The following PRKG1 variants were observed in gnomAD, a reference collection of about 807,000 sequenced individuals.
The protein encoded by PRKG1 is protein kinase cGMP-dependent 1.
Under a neutral mutation model 88.1 loss-of-function variants are expected in PRKG1, and 35 were observed. That is an observed-to-expected ratio of 0.40 (90% confidence interval 0.30 to 0.53). The LOEUF (loss-of-function observed/expected upper bound fraction) is 0.53, where lower values mean the gene tolerates loss of function less well. PRKG1 is among the 20% of genes least tolerant of loss of function. The pLI is 0.59. For synonymous variants in PRKG1, 303 were observed against 292.5 expected, an observed-to-expected ratio of 1.04 and a Z score of -0.37; for missense variants, 540 against 839.8, an observed-to-expected ratio of 0.64 and a Z score of 4.41.
intron 1 of PRKG1, among the ~76,000 whole-genome samples, chr10:51,042,169 TG>T (rs1474751014): frequency 6.6e-6 from 1 of 152,208 alleles, no homozygotes; most frequent in Non-Finnish European, 1.5e-5. Flanking sequence ...CACCTCCTCC[TG>T]GTCTTGGACC....
chr10:51,532,889 CT>C (rs1005242731), intron 3 of PRKG1, among the ~76,000 whole-genome samples: 3 of 152,152 alleles, frequency 2.0e-5, no homozygotes, highest in African/African-American at 7.2e-5. Context: ...TATCCTCTCT[CT>C]TTTTTTCAAA....
chr10:51,767,735 T>C (rs1374117567), intron 3 of PRKG1, among the ~76,000 whole-genome samples: 2 of 152,168 alleles, frequency 1.3e-5, no homozygotes, highest in African/African-American at 4.8e-5. Flanking sequence ...AAATCAGTAG[T>C]TCTGTTTTAT....
Position 52,005,942 on chromosome 10 carries a change from C to T in PRKG1, c.763-48542C>T, listed in dbSNP as rs781575231. 5.3e-4 allele frequency among the ~76,000 whole-genome samples: 80 copies of T among 151,868 alleles called. 1 individual carries two copies. The highest frequency in any genetic ancestry group is 2.1e-4 in the South Asian group (1 of 4,804). ...TGAGGAGGCCCTTGGACCACAACAC[C>T]GAGAAGAAGAACTGAAGCATGGGGA... On this transcript the variant is annotated intron_variant, in intron 5 of 17. Coordinates refer to ENST00000373980, the MANE Select transcript of PRKG1 (RefSeq NM_006258.4).
intron 2 of PRKG1, among the ~76,000 whole-genome samples, chr10:51,408,694 T>C (rs1837992388): frequency 6.6e-6 from 1 of 152,212 alleles, no homozygotes; most frequent in Admixed American, 6.5e-5. Context: ...TGAGTGGAAG[T>C]CCGTGTTGAT....
intron 2 of PRKG1, among the ~76,000 whole-genome samples, chr10:51,203,094 GGA>G (rs147929880): frequency 4.0e-5 from 6 of 150,142 alleles, no homozygotes; most frequent in Admixed American, 1.3e-4. Flanking sequence ...GAATACAGAG[GGA>G]GAGAGAGAGA....
intron 2 of PRKG1, among the ~76,000 whole-genome samples, chr10:51,193,846 C>A (rs1288068927): frequency 6.6e-6 from 1 of 152,132 alleles, no homozygotes; most frequent in East Asian, 1.9e-4. Context: ...AGCAAATCTG[C>A]ACATTTGTGC....
chr10:52,002,910 T>C (rs2133152856), intron 5 of PRKG1, among the ~76,000 whole-genome samples: 2 of 152,290 alleles, frequency 1.3e-5, no homozygotes, highest in Middle Eastern at 3.4e-3. Context: ...AGTGTGAGAG[T>C]AAACATAATA....
chr10:51,311,193 T>C (rs7898516), intron 2 of PRKG1, among the ~76,000 whole-genome samples: 79,121 of 151,950 alleles, frequency 0.52, 20,719 homozygotes, highest in African/African-American at 0.56. Context: ...TCCCTCTTTT[T>C]AGCTCTTAAC....
chr10:51,595,893 G>C (rs1200382695), intron 3 of PRKG1, among the ~76,000 whole-genome samples: 1 of 151,960 alleles, frequency 6.6e-6, no homozygotes, highest in Non-Finnish European at 1.5e-5. Flanking sequence ...GGAGTGCAGT[G>C]GCAGGATCTT....
chr10:52,207,209 G>T (rs1466017008), intron 9 of PRKG1, among the ~76,000 whole-genome samples: 1 of 152,164 alleles, frequency 6.6e-6, no homozygotes, highest in Non-Finnish European at 1.5e-5. Flanking sequence ...CAGTGGGAAG[G>T]CTGTAGGTGA....
At chr10:52,122,762 T>C (rs1847848948) in intron 7 of PRKG1, among the ~76,000 whole-genome samples, 1 of 152,196 alleles carries the variant, frequency 6.6e-6, no homozygotes, top group African/African-American at 2.4e-5. Flanking sequence ...TCAGAATGTC[T>C]TATGCCAGCT....
intron 3 of PRKG1, among the ~76,000 whole-genome samples, chr10:51,539,562 A>G (rs1441369848): frequency 6.6e-6 from 1 of 152,176 alleles, no homozygotes; most frequent in East Asian, 1.9e-4. Context: ...TCAAGACTTG[A>G]CCGACTTCTA....
intron 4 of PRKG1, among the ~76,000 whole-genome samples, chr10:51,833,150 C>G (rs184763917): frequency 6.6e-6 from 1 of 152,214 alleles, no homozygotes; most frequent in East Asian, 1.9e-4. Context: ...CAGGAGGGAC[C>G]TGACTTGCTG....
At chr10:51,348,813 A>C (rs747893862) in intron 2 of PRKG1, among the ~76,000 whole-genome samples, 2 of 152,204 alleles carry the variant, frequency 1.3e-5, no homozygotes, top group Non-Finnish European at 2.9e-5. Flanking sequence ...TCCATTCTTC[A>C]GTGTGACTGG....
Position 52,280,861 on chromosome 10 carries a change from C to T in PRKG1, c.1476C>T (p.Ser492=). Residue 492 remains serine (S), a synonymous_variant, in exon 13 of 18, where the codon TCC becomes TCT. Transcript: ENST00000373980. The stretch of plus-strand genomic sequence containing the variant: ...TAGAAGCTTTTGCCTATCTGCATTC[C>T]AAAGGAATCATTTACAGGGACCTCA... ...CVVEAFAYLH[S]KGIIYRDLKP... is the part of the protein sequence containing the mutation. The T allele has an allele frequency of 6.2e-7, 1 of 1,613,178 alleles. No homozygotes were observed. Among genetic ancestry groups the T allele is most frequent in the Non-Finnish European group, 8.5e-7 (1 of 1,179,502 alleles).
At chr10:51,827,902 A>T (rs1307636716) in intron 4 of PRKG1, among the ~76,000 whole-genome samples, 2 of 152,122 alleles carry the variant, frequency 1.3e-5, no homozygotes, top group African/African-American at 4.8e-5. Flanking sequence ...ATACCTGAAG[A>T]AGTACAGGTT....
chr10:51,088,050 CCACTGTATCCAACCTCT>C (rs1211731217), intron 1 of PRKG1, among the ~76,000 whole-genome samples: 1 of 152,182 alleles, frequency 6.6e-6, no homozygotes, highest in African/African-American at 2.4e-5. Context: ...CAGGGGTGAG[CCACTGTATCCAACCTCT>C]ATATTCAAAT....
intron 7 of PRKG1, among the ~76,000 whole-genome samples, chr10:52,083,412 AAAAC>A (rs1452312400): frequency 1.3e-5 from 2 of 152,080 alleles, no homozygotes; most frequent in Admixed American, 6.6e-5. Context: ...TTGATTAAGG[AAAAC>A]AAACAAATGT....
intron 5 of PRKG1, among the ~76,000 whole-genome samples, chr10:52,035,331 G>A (rs979336541): frequency 5.3e-5 from 8 of 152,092 alleles, no homozygotes; most frequent in South Asian, 2.1e-4. Context: ...AAGGAAGGGG[G>A]CCTGAATAAT....
Sources: allele counts gnomAD v4.1 joint callset (sites outside exome capture counted in the v4.1 genomes callset), GRCh38; gene constraint gnomAD v4.1.1; transcripts MANE v1.5; gene names NCBI Gene and HGNC (gene_info 2026-07-23, HGNC 2026-07-21).